The following CACNA2D3 variants were observed in gnomAD, a reference collection of about 807,000 sequenced individuals.
CACNA2D3 encodes the protein calcium voltage-gated channel auxiliary subunit alpha2delta 3, also known as voltage-dependent calcium channel subunit alpha-2/delta-3.
CACNA2D3 carries 60 observed loss-of-function variants against 160.6 expected under a neutral mutation model. The observed-to-expected ratio is 0.37, with a 90% CI of 0.30 to 0.46. The LOEUF is 0.46. Among genes scored for constraint, CACNA2D3 ranks in the 20% least tolerant of loss-of-function variants. The pLI is 1.00. For missense variants in CACNA2D3, 1,205 were observed against 1,365.0 expected (o/e 0.88, Z 1.85); for synonymous variants, 558 against 492.9 (o/e 1.13, Z -1.75).
intron 31 of CACNA2D3, among the ~76,000 whole-genome samples, chr3:55,000,122 C>G (rs1702948154): frequency 6.6e-6 from 1 of 152,170 alleles, no homozygotes. Context: ...GCACACAGCA[C>G]CAGTCTTGGG....
chr3:55,020,388 AAAAT>A (rs1313613918), intron 35 of CACNA2D3, among the ~76,000 whole-genome samples: 3 of 149,056 alleles, frequency 2.0e-5, no homozygotes, highest in Non-Finnish European at 4.4e-5. Flanking sequence ...CTATTTTCAT[AAAAT>A]AAATATATAA....
intron 18 of CACNA2D3, among the ~76,000 whole-genome samples, chr3:54,874,040 G>C (rs187768994): frequency 8.7e-4 from 132 of 152,282 alleles, no homozygotes; most frequent in Middle Eastern, 3.4e-3. Context: ...AGTAGAGTCT[G>C]CCCAGATGCA....
intron 5 of CACNA2D3, among the ~76,000 whole-genome samples, chr3:54,520,807 T>C (rs1156951062): frequency 6.6e-6 from 1 of 152,224 alleles, no homozygotes; most frequent in Non-Finnish European, 1.5e-5. Context: ...CGAATGATCT[T>C]TCTGTCCCTA....
At chr3:54,691,818 T>C (rs1700577198) in intron 11 of CACNA2D3, among the ~76,000 whole-genome samples, 2 of 152,210 alleles carry the variant, frequency 1.3e-5, no homozygotes, top group African/African-American at 4.8e-5. Flanking sequence ...TTTCATTTAT[T>C]TGTCTTTTCA....
intron 11 of CACNA2D3, among the ~76,000 whole-genome samples, chr3:54,737,295 G>A (rs1701554239): frequency 6.6e-6 from 1 of 151,910 alleles, no homozygotes; most frequent in Non-Finnish European, 1.5e-5. Context: ...AAAACCAACA[G>A]AGGCCAAGGC....
intron 14 of CACNA2D3, among the ~76,000 whole-genome samples, chr3:54,819,954 T>C (rs1466241182): frequency 6.6e-6 from 1 of 152,136 alleles, no homozygotes; most frequent in African/African-American, 2.4e-5. Context: ...AGCAAAAATT[T>C]GTCGGGAGAA....
chr3:54,316,513 T>C (rs2107504185), intron 2 of CACNA2D3, among the ~76,000 whole-genome samples: 1 of 152,304 alleles, frequency 6.6e-6, no homozygotes, highest in East Asian at 1.9e-4. Flanking sequence ...GATAAGAAAG[T>C]AGTATATTCT....
At chr3:54,947,181 C>T (rs182237633) in intron 27 of CACNA2D3, among the ~76,000 whole-genome samples, 76 of 152,242 alleles carry the variant, frequency 5.0e-4, no homozygotes, top group African/African-American at 1.7e-3. Flanking sequence ...TGAGCAGAGG[C>T]GGGTTAAGTA....
intron 17 of CACNA2D3, among the ~76,000 whole-genome samples, chr3:54,848,693 G>A (rs114345744): frequency 1.1e-3 from 174 of 152,304 alleles, no homozygotes; most frequent in Admixed American, 2.5e-3. Flanking sequence ...AGCAAAAGAC[G>A]CAGCATAGTG....
intron 13 of CACNA2D3, among the ~76,000 whole-genome samples, chr3:54,808,465 C>T (rs1398216360): frequency 1.3e-5 from 2 of 152,036 alleles, no homozygotes; most frequent in Non-Finnish European, 2.9e-5. Flanking sequence ...GGAAAGCTAG[C>T]AGGGGAAAAG....
intron 2 of CACNA2D3, among the ~76,000 whole-genome samples, chr3:54,164,267 C>T (rs375609981): frequency 5.3e-5 from 8 of 152,194 alleles, no homozygotes; most frequent in African/African-American, 1.7e-4. Flanking sequence ...CTCCCCAAAC[C>T]CTCCAGGAGT....
intron 27 of CACNA2D3, chr3:54,918,332 C>CTTTTTT (rs533596688): frequency 0.012 from 2,753 of 227,982 alleles, 837 homozygotes; most frequent in South Asian, 0.022. Context: ...TTTTTTTTTT[C>CTTTTTT]TTTTTTTTTT....
intron 2 of CACNA2D3, among the ~76,000 whole-genome samples, chr3:54,201,921 A>G (rs1001845216): frequency 1.2e-4 from 18 of 152,228 alleles, no homozygotes; most frequent in Non-Finnish European, 1.5e-4. Flanking sequence ...GTGAATTCAA[A>G]AGAATTAATG....
chr3:54,803,128 A>C (rs1234643153), intron 13 of CACNA2D3, among the ~76,000 whole-genome samples: 3 of 152,196 alleles, frequency 2.0e-5, no homozygotes, highest in East Asian at 1.9e-4. Flanking sequence ...AGCAGAAAAA[A>C]AGGAAACTCT....
intron 5 of CACNA2D3, among the ~76,000 whole-genome samples, chr3:54,547,671 CCT>C (rs1491181785): frequency 8.7e-6 from 1 of 114,788 alleles, no homozygotes; most frequent in East Asian, 2.7e-4. Context: ...CTCCCCCAAC[CCT>C]TTTTTTTTTT....
chr3:54,486,152 A>G (rs1701012950), intron 4 of CACNA2D3, among the ~76,000 whole-genome samples: 1 of 152,218 alleles, frequency 6.6e-6, no homozygotes, highest in South Asian at 2.1e-4. Flanking sequence ...GACTAGTGCA[A>G]ACACCTGGAG....
intron 11 of CACNA2D3, among the ~76,000 whole-genome samples, chr3:54,736,087 GTGTATATATATACATATA>G (rs1559563725): frequency 2.9e-3 from 59 of 20,132 alleles, no homozygotes; most frequent in Non-Finnish European, 6.0e-3. Flanking sequence ...ATATATGTAT[GTGTATATATATACATATA>G]TATGTATATA....
At chr3:54,719,855 C>G (rs1224492711) in intron 11 of CACNA2D3, among the ~76,000 whole-genome samples, 1 of 151,982 alleles carries the variant, frequency 6.6e-6, no homozygotes, top group Admixed American at 6.5e-5. Context: ...AACATTTCAT[C>G]TTGATTCAGT....
chr3:54,431,323 G>T (rs1464590976), intron 4 of CACNA2D3, among the ~76,000 whole-genome samples: 1 of 143,402 alleles, frequency 7.0e-6, no homozygotes, highest in African/African-American at 2.7e-5. Context: ...GTGAGACTCC[G>T]TCTCAAAAAA....
Sources: gnomAD v4.1 joint callset for allele counts (sites outside exome capture counted in the v4.1 genomes callset) on GRCh38, gnomAD v4.1.1 for gene constraint, MANE v1.5 for transcripts, NCBI Gene and HGNC (gene_info 2026-07-23, HGNC 2026-07-21) for gene names.